Variants in CIRSR observed in about 807,000 individuals in gnomAD.
The protein encoded by CIRSR is corepressor of RBPJ and splicing regulator.
the CIRSR span, among the ~76,000 whole-genome samples, chr2:174,356,547 G>GAAGGA: frequency 6.7e-6 from 1 of 148,626 alleles, no homozygotes; most frequent in South Asian, 2.2e-4. Context: ...AGGAAGGAAG[G>GAAGGA]AAGGAAAGGA....
chr2:174,367,313 C>G, the CIRSR span, among the ~76,000 whole-genome samples: 1 of 152,126 alleles, frequency 6.6e-6, no homozygotes, highest in Admixed American at 6.5e-5. Context: ...GGCGCGGTGG[C>G]TAACGCCTGT....
At chr2:174,377,492 T>C in the CIRSR span, among the ~76,000 whole-genome samples, 2 of 152,098 alleles carry the variant, frequency 1.3e-5, no homozygotes, top group Non-Finnish European at 2.9e-5. Flanking sequence ...TCCTTCTACT[T>C]AAACTGCACA....
the CIRSR span, among the ~76,000 whole-genome samples, chr2:174,385,481 C>A: frequency 1.3e-5 from 2 of 152,058 alleles, no homozygotes; most frequent in Non-Finnish European, 2.9e-5. Flanking sequence ...TAGCAATGAA[C>A]ACACTTAGTG....
the CIRSR span, among the ~76,000 whole-genome samples, chr2:174,384,908 G>A: frequency 6.6e-6 from 1 of 152,022 alleles, no homozygotes; most frequent in Non-Finnish European, 1.5e-5. Context: ...TATCTAGACA[G>A]AATAATAAAT....
the CIRSR span, among the ~76,000 whole-genome samples, chr2:174,371,261 T>C: frequency 6.6e-6 from 1 of 152,196 alleles, no homozygotes; most frequent in Non-Finnish European, 1.5e-5. Flanking sequence ...AATAGGTAAA[T>C]TGTATGGTAT....
At chr2:174,378,852 G>C in the CIRSR span, 1 of 1,116,126 alleles carries the variant, frequency 9.0e-7, no homozygotes. Context: ...TACCCAGAAA[G>C]AGTAAAGAAA....
At chr2:174,354,617 T>TATATATATCATATAATATATATTATA in the CIRSR span, among the ~76,000 whole-genome samples, 2 of 76,906 alleles carry the variant, frequency 2.6e-5, no homozygotes, top group Admixed American at 2.3e-4. Flanking sequence ...TATTATATAT[T>TATATATATCATATAATATATATTATA]TTATATATTA....
At chr2:174,376,968 T>C in the CIRSR span, among the ~76,000 whole-genome samples, 2 of 152,186 alleles carry the variant, frequency 1.3e-5, no homozygotes, top group Non-Finnish European at 2.9e-5. Context: ...TTCTTTTGAA[T>C]GTTAGCAGAC....
At chr2:174,378,243 G>A in the CIRSR span, among the ~76,000 whole-genome samples, 1 of 152,166 alleles carries the variant, frequency 6.6e-6, no homozygotes, top group East Asian at 1.9e-4. Context: ...AAAATAAGGA[G>A]CTGAAGTTCA....
At chr2:174,381,658 GAAAA>G in the CIRSR span, 1 of 1,133,416 alleles carries the variant, frequency 8.8e-7, no homozygotes, top group East Asian at 3.0e-5. Context: ...CTGTGCCTCA[GAAAA>G]AAAAAAAAGA....
chr2:174,388,847 C>G, the CIRSR span, among the ~76,000 whole-genome samples: 2 of 152,132 alleles, frequency 1.3e-5, no homozygotes, highest in Non-Finnish European at 2.9e-5. Flanking sequence ...GTAATTGAAT[C>G]ATGGGGGCGG....
At chr2:174,351,638 G>A in the CIRSR span, 39 of 1,613,074 alleles carry the variant, frequency 2.4e-5, no homozygotes, top group Non-Finnish European at 3.3e-5. Context: ...ATCATTTGCG[G>A]TCAAGTTTCT....
At chr2:174,388,090 C>A in the CIRSR span, among the ~76,000 whole-genome samples, 1 of 152,240 alleles carries the variant, frequency 6.6e-6, no homozygotes, top group Admixed American at 6.5e-5. Flanking sequence ...CCACATGTGA[C>A]CCACAGGCCA....
chr2:174,356,913 A>C, the CIRSR span, among the ~76,000 whole-genome samples: 12 of 152,144 alleles, frequency 7.9e-5, no homozygotes, highest in African/African-American at 2.9e-4. Flanking sequence ...TATTACTTCC[A>C]AATTTATTTT....
At chr2:174,379,036 C>T in the CIRSR span, 4 of 1,606,470 alleles carry the variant, frequency 2.5e-6, no homozygotes, top group African/African-American at 1.3e-5. Context: ...CCTCACATTT[C>T]GAACCTGAGA....
At chr2:174,353,159 GA>G in the CIRSR span, among the ~76,000 whole-genome samples, 1 of 152,080 alleles carries the variant, frequency 6.6e-6, no homozygotes, top group Non-Finnish European at 1.5e-5. Context: ...AGATGATGGG[GA>G]AAAACTGTCT....
the CIRSR span, among the ~76,000 whole-genome samples, chr2:174,369,018 G>A: frequency 3.3e-5 from 5 of 152,336 alleles, no homozygotes; most frequent in South Asian, 1.0e-3. Context: ...GAGTCAGCTT[G>A]TCCTTTGAAG....
chr2:174,393,831 A>G, the CIRSR span, among the ~76,000 whole-genome samples: 1 of 152,150 alleles, frequency 6.6e-6, no homozygotes. Context: ...ATCACCTCCA[A>G]AAGTTTCCTC....
the CIRSR span, among the ~76,000 whole-genome samples, chr2:174,369,252 C>T: frequency 6.6e-6 from 1 of 152,242 alleles, no homozygotes; most frequent in African/African-American, 2.4e-5. Flanking sequence ...TCCCTTAAAC[C>T]TTATGAATCA....
Sources: gnomAD v4.1 joint callset for allele counts (sites outside exome capture counted in the v4.1 genomes callset) on GRCh38, gnomAD v4.1.1 for gene constraint, MANE v1.5 for transcripts, NCBI Gene and HGNC (gene_info 2026-07-23, HGNC 2026-07-21) for gene names.